Variants in ZNF141 observed in about 807,000 individuals in gnomAD.
ZNF141 encodes zinc finger protein 141.
A neutral mutation model predicts 11.3 loss-of-function variants in ZNF141; 7 were observed. The ratio of observed to expected loss-of-function variants is 0.62; its 90% CI spans 0.35 to 1.16. ZNF141 has a LOEUF of 1.16. Ranked by LOEUF, ZNF141 falls within the 50% of genes most tolerant of loss-of-function variation. ZNF141 has a pLI of 0.02. For synonymous variants in ZNF141, 183 were observed against 190.7 expected, an observed-to-expected ratio of 0.96 and a Z score of 0.33; for missense variants, 535 against 554.0, an observed-to-expected ratio of 0.97 and a Z score of 0.34.
At position 373,369 on chromosome 4, in the gene ZNF141, A is replaced by G. The variant is rs1553853947; in HGVS notation, c.932A>G (p.Tyr311Cys). The change falls in exon 4 of 4, where the codon TAC becomes TGC. Residue 311 changes from tyrosine (Y) to cysteine (C), a missense_variant. Coordinates refer to ENST00000240499, the MANE Select transcript of ZNF141 (RefSeq NM_003441.4). ...CGAATTCATACTGGAGAGAAACCCT[A>G]CAAATGTGAAGAATGTGGCAAAGCC... ...HKRIHTGEKPYKCEECGKAFN... is the reference protein window; with the variant it reads ...HKRIHTGEKPCKCEECGKAFN... 6 of 1,613,976 alleles carry G rather than the reference A, an allele frequency of 3.7e-6. No individual in the cohort carries two copies. The highest frequency in any genetic ancestry group is 5.1e-6 in the Non-Finnish European group (6 of 1,179,936).
chr4:362,045 T>G (rs1417714467), intron 3 of ZNF141, among the ~76,000 whole-genome samples: 2 of 152,200 alleles, frequency 1.3e-5, no homozygotes, highest in African/African-American at 4.8e-5. Context: ...ACCTGTTGTT[T>G]CCTGACTTTT....
intron 3 of ZNF141, among the ~76,000 whole-genome samples, chr4:364,920 A>G (rs145598495): frequency 6.6e-6 from 1 of 152,228 alleles, no homozygotes; most frequent in South Asian, 2.1e-4. Context: ...TTGTTCAGCT[A>G]TGCCCTCCCC....
At chr4:343,998 T>C (rs797022982) in intron 2 of ZNF141, 90 bp downstream of exon 2, 2 of 1,508,072 alleles carry the variant, frequency 1.3e-6, no homozygotes, top group Admixed American at 2.3e-5. Context: ...TTTTATGTTT[T>C]ATCTTTACAT....
At chr4:343,138 C>T (rs1721137511) in intron 1 of ZNF141, among the ~76,000 whole-genome samples, 1 of 152,148 alleles carries the variant, frequency 6.6e-6, no homozygotes, top group Non-Finnish European at 1.5e-5. Flanking sequence ...GATTCTACAG[C>T]AAGGCCAGGG....
rs1365086269 is a variant in ZNF141 at position 338,010 on chromosome 4, C to T, written c.3+24C>T. ...TGGTGAGTGTGCGGGGCAGGGCGTC[C>T]CAAGGCTGAGGAGGTCTCATCGGAG... On this transcript the variant is annotated intron_variant, in intron 1 of 3. Coordinates refer to ENST00000240499, the MANE Select transcript of ZNF141 (RefSeq NM_003441.4). 2.5e-6 allele frequency: 4 copies of T among 1,612,832 alleles called. No individual in the cohort carries two copies. The African/African-American group carries it at 5.3e-5, about 22-fold the overall frequency.
intron 3 of ZNF141, among the ~76,000 whole-genome samples, chr4:362,615 C>T (rs1711546470): frequency 6.6e-6 from 1 of 152,212 alleles, no homozygotes; most frequent in African/African-American, 2.4e-5. Flanking sequence ...GTTTTCCCAG[C>T]ACCATTTATT....
rs1294927395 is a variant in ZNF141, at chr4:338,159, C to G, written c.3+173C>G. The G allele has an allele frequency of 4.1e-6, 3 of 730,446 alleles. No individual in the cohort carries two copies. In the African/African-American group the frequency reaches 5.5e-5, roughly 13 times the overall value. 45.2% of individuals were successfully genotyped at this position (730,446 alleles called of 1,614,324 possible). A position where few individuals can be genotyped will look rare whatever the true frequency, so the allele number is the denominator to read the frequency against. ...TCCTGTCGGTCCCCGCACAGCGGCT[C>G]TGGCCCAGCCTGCAGCCCTCCTTGT... is the stretch of plus-strand genomic sequence containing the variant. On this transcript the variant is annotated intron_variant, in intron 1 of 3. Coordinates refer to ENST00000240499, the MANE Select transcript of ZNF141 (RefSeq NM_003441.4).
At chr4:368,462 G>A (rs1337201668) in intron 3 of ZNF141, among the ~76,000 whole-genome samples, 5 of 152,152 alleles carry the variant, frequency 3.3e-5, no homozygotes, top group Admixed American at 1.3e-4. Flanking sequence ...AGCTGATCTC[G>A]AACACCTGAC....
chr4:381,245 T>C lies in ZNF141; in HGVS notation c.*7383T>C, dbSNP rs1712601354. Among the ~76,000 whole-genome samples, 1 of 152,148 alleles carries C rather than the reference T, an allele frequency of 6.6e-6. No individual in the cohort carries two copies. The highest frequency in any genetic ancestry group is 1.5e-5 in the Non-Finnish European group (1 of 68,020). On this transcript the variant is annotated 3_prime_UTR_variant, in exon 4 of 4. Coordinates refer to ENST00000240499, the MANE Select transcript of ZNF141 (RefSeq NM_003441.4). ...TTTGCCTAAATGCTACCAATTATCT[T>C]ACACTGGCTCCCCAAATAGGTTTTT... is the stretch of plus-strand genomic sequence containing the variant.
At chr4:370,392 T>G (rs1217356272) in intron 3 of ZNF141, among the ~76,000 whole-genome samples, 1 of 152,190 alleles carries the variant, frequency 6.6e-6, no homozygotes, top group African/African-American at 2.4e-5. Flanking sequence ...GTTCAGCATT[T>G]TTTTTTATAA....
In ZNF141 at chr4:376,135, A is replaced by G. The variant is rs146782740; in HGVS notation, c.*2273A>G. Reference sequence around the variant, plus strand: ...GTTGAAATAATTGTTGCTTGAATGAAGTGTCATTATGCCACCAACTTAAAC... The same window carrying G: ...GTTGAAATAATTGTTGCTTGAATGAGGTGTCATTATGCCACCAACTTAAAC... On this transcript the variant is annotated 3_prime_UTR_variant, in exon 4 of 4. Transcript: ENST00000240499. 4.6e-5 allele frequency among the ~76,000 whole-genome samples: 7 copies of G among 152,212 alleles called. No homozygotes were observed. The highest frequency in any genetic ancestry group is 1.3e-4 in the Admixed American group (2 of 15,294).
Position 377,042 on chromosome 4 carries a change from T to C in ZNF141, c.*3180T>C, listed in dbSNP as rs1354898623. ...ATGTAGTGAATGTAAAATTTTTAGA[T>C]GTAATTTCATAATATATGTATTAAG... On this transcript the variant is annotated 3_prime_UTR_variant, in exon 4 of 4. Transcript: ENST00000240499. 1.3e-5 allele frequency among the ~76,000 whole-genome samples: 2 copies of C among 152,208 alleles called. No individual in the cohort carries two copies. The highest frequency in any genetic ancestry group is 4.8e-5 in the African/African-American group (2 of 41,456).
intron 1 of ZNF141, among the ~76,000 whole-genome samples, chr4:339,260 A>G (rs1449393881): frequency 6.6e-6 from 1 of 151,990 alleles, no homozygotes; most frequent in Non-Finnish European, 1.5e-5. Context: ...TTCTTCACCC[A>G]CCCAGGCTTT....
chr4:358,059 CTT>C, intron 3 of ZNF141: 1 of 274,914 alleles, frequency 3.6e-6, no homozygotes, highest in Non-Finnish European at 7.0e-6. Context: ...AAATGACTTA[CTT>C]TTAAGTTTGC....
intron 3 of ZNF141, among the ~76,000 whole-genome samples, chr4:347,464 C>T (rs1252341944): frequency 1.3e-5 from 2 of 151,728 alleles, no homozygotes; most frequent in African/African-American, 2.4e-5. Context: ...CTCAGCCTCC[C>T]GAGTAGCTGG....
intron 1 of ZNF141, among the ~76,000 whole-genome samples, chr4:340,825 G>A (rs188373215): frequency 6.6e-6 from 1 of 152,258 alleles, no homozygotes; most frequent in Admixed American, 6.5e-5. Flanking sequence ...GCTTAACAAC[G>A]TACATAGCCA....
intron 3 of ZNF141, among the ~76,000 whole-genome samples, chr4:365,149 T>C (rs1711679292): frequency 6.6e-6 from 1 of 152,184 alleles, no homozygotes; most frequent in Admixed American, 6.5e-5. Context: ...AGGCGTGGGA[T>C]ATAATCTCCT....
chr4:355,761 A>G (rs1250665207), intron 3 of ZNF141, among the ~76,000 whole-genome samples: 1 of 152,184 alleles, frequency 6.6e-6, no homozygotes, highest in African/African-American at 2.4e-5. Context: ...TAAAGAATAG[A>G]AGTTTACTTA....
At position 379,748 on chromosome 4, in the gene ZNF141, A is replaced by G. The variant is rs1712532449; in HGVS notation, c.*5886A>G. ...AATACTCAAGTTGTTTGACAAAGAT[A>G]CTCATCATTTGCAACATTATTCTGT... On this transcript the variant is annotated 3_prime_UTR_variant, in exon 4 of 4. Transcript: ENST00000240499. Among the ~76,000 whole-genome samples, 1 of 152,146 alleles carries G rather than the reference A, an allele frequency of 6.6e-6. No individual in the cohort carries two copies. Among genetic ancestry groups the G allele is most frequent in the Non-Finnish European group, 1.5e-5 (1 of 68,048 alleles).
Sources: gnomAD v4.1 joint callset for allele counts (sites outside exome capture counted in the v4.1 genomes callset) on GRCh38, gnomAD v4.1.1 for gene constraint, MANE v1.5 for transcripts, NCBI Gene and HGNC (gene_info 2026-07-23, HGNC 2026-07-21) for gene names.